The following ARL15 variants were observed in gnomAD, a reference collection of about 807,000 sequenced individuals.
ARL15 encodes ARF like GTPase 15, also known as ADP-ribosylation factor-like protein 15.
In ARL15, 19 loss-of-function variants were observed where a neutral mutation model predicts 25.2. The observed-to-expected ratio is 0.75, with a 90% CI of 0.53 to 1.10. ARL15 has a LOEUF of 1.10. Ranked by LOEUF, ARL15 falls within the 50% of genes least tolerant of loss-of-function variation. The pLI is 0.00. For missense variants in ARL15, 220 were observed against 246.0 expected (o/e 0.89, Z 0.71); for synonymous variants, 94 against 86.8 (o/e 1.08, Z -0.46).
At chr5:53,964,812 T>G (rs1033108684) in intron 4 of ARL15, among the ~76,000 whole-genome samples, 2 of 152,236 alleles carry the variant, frequency 1.3e-5, no homozygotes, top group Non-Finnish European at 2.9e-5. Context: ...ATTCCAGAGC[T>G]AACACTCTAG....
At chr5:53,982,211 T>C (rs933718019) in intron 4 of ARL15, among the ~76,000 whole-genome samples, 10 of 151,578 alleles carry the variant, frequency 6.6e-5, no homozygotes, top group African/African-American at 2.4e-4. Context: ...CTTTAAGTTC[T>C]GGGATACATA....
intron 1 of ARL15, among the ~76,000 whole-genome samples, chr5:54,260,857 C>A (rs142712413): frequency 6.6e-6 from 1 of 152,122 alleles, no homozygotes; most frequent in South Asian, 2.1e-4. Context: ...TTCCTATACT[C>A]GATCATTAAT....
intron 4 of ARL15, among the ~76,000 whole-genome samples, chr5:53,913,038 G>A (rs542596247): frequency 2.0e-5 from 3 of 152,318 alleles, no homozygotes; most frequent in Admixed American, 6.5e-5. Context: ...GCTGGCTCAC[G>A]CCTGTAATCC....
chr5:53,959,288 G>A (rs1279438956), intron 4 of ARL15, among the ~76,000 whole-genome samples: 1 of 152,302 alleles, frequency 6.6e-6, no homozygotes, highest in East Asian at 1.9e-4. Flanking sequence ...AAGATGCACT[G>A]TTAAGCCAAA....
chr5:54,235,988 A>G (rs1201787324), intron 1 of ARL15, among the ~76,000 whole-genome samples: 6 of 152,234 alleles, frequency 3.9e-5, no homozygotes, highest in African/African-American at 1.4e-4. Flanking sequence ...TAGGACATTA[A>G]AAGGTTTGAG....
intron 4 of ARL15, among the ~76,000 whole-genome samples, chr5:53,890,105 G>T (rs576123455): frequency 6.6e-6 from 1 of 152,218 alleles, no homozygotes; most frequent in African/African-American, 2.4e-5. Context: ...GAGCTGCTGG[G>T]CCTGGCCTAG....
intron 1 of ARL15, among the ~76,000 whole-genome samples, chr5:54,308,442 A>G (rs750747783): frequency 1.1e-4 from 17 of 152,362 alleles, no homozygotes; most frequent in Non-Finnish European, 1.5e-4. Context: ...TATGGCAAGT[A>G]AAGCTTTTTA....
chr5:53,951,383 C>T (rs998430086), intron 4 of ARL15: 1 of 402,052 alleles, frequency 2.5e-6, no homozygotes, highest in South Asian at 1.9e-5. Context: ...ATACAAAAAT[C>T]ATATACTTTG....
At chr5:54,059,623 G>T (rs1348170384) in intron 4 of ARL15, among the ~76,000 whole-genome samples, 1 of 152,144 alleles carries the variant, frequency 6.6e-6, no homozygotes, top group East Asian at 1.9e-4. Context: ...AGTTTCAATG[G>T]TTACCTCTAC....
At chr5:54,088,949 T>C (rs912432813) in intron 4 of ARL15, among the ~76,000 whole-genome samples, 1 of 152,150 alleles carries the variant, frequency 6.6e-6, no homozygotes. Context: ...CTAAAGGTGG[T>C]TTTGTCAGAC....
chr5:54,193,231 A>G (rs752298288), intron 1 of ARL15, among the ~76,000 whole-genome samples: 4 of 152,202 alleles, frequency 2.6e-5, no homozygotes, highest in African/African-American at 4.8e-5. Flanking sequence ...AAATTGCAGC[A>G]TCATCCAATC....
At chr5:54,255,772 A>G (rs1757348000) in intron 1 of ARL15, among the ~76,000 whole-genome samples, 1 of 152,214 alleles carries the variant, frequency 6.6e-6, no homozygotes. Flanking sequence ...TCAAACGCTC[A>G]AAACTACACA....
chr5:54,303,673 A>G (rs1280472039), intron 1 of ARL15, among the ~76,000 whole-genome samples: 5 of 145,070 alleles, frequency 3.4e-5, no homozygotes, highest in Admixed American at 6.9e-5. Flanking sequence ...AAAAAAAAAG[A>G]AGAAGAAGAG....
chr5:54,265,454 G>A (rs1290106414), intron 1 of ARL15, among the ~76,000 whole-genome samples: 1 of 152,154 alleles, frequency 6.6e-6, no homozygotes, highest in South Asian at 2.1e-4. Context: ...TAAGAGCATG[G>A]TACACTTGCA....
chr5:53,907,489 T>TATATTTTTG (rs1554025337), intron 4 of ARL15, among the ~76,000 whole-genome samples: 3 of 16,976 alleles, frequency 1.8e-4, no homozygotes, highest in African/African-American at 8.3e-4. Context: ...TATATATATA[T>TATATTTTTG]TTTTTTTTTT....
At chr5:53,972,372 A>G (rs950072078) in intron 4 of ARL15, among the ~76,000 whole-genome samples, 9 of 152,176 alleles carry the variant, frequency 5.9e-5, no homozygotes, top group African/African-American at 2.2e-4. Context: ...TTTGTTCCCC[A>G]GTAGCACAGT....
intron 1 of ARL15, among the ~76,000 whole-genome samples, chr5:54,200,213 G>C (rs1755676969): frequency 1.3e-5 from 2 of 151,480 alleles, no homozygotes; most frequent in Non-Finnish European, 2.9e-5. Flanking sequence ...GTTAGTGGGT[G>C]CAGCGCACCA....
At chr5:54,083,213 C>T (rs1751860395) in intron 4 of ARL15, among the ~76,000 whole-genome samples, 1 of 151,990 alleles carries the variant, frequency 6.6e-6, no homozygotes, top group Non-Finnish European at 1.5e-5. Context: ...GCAGTGCCTT[C>T]CAATTAAAAA....
intron 3 of ARL15, among the ~76,000 whole-genome samples, chr5:54,117,446 T>C (rs200827985): frequency 1.1e-5 from 1 of 87,254 alleles, no homozygotes; most frequent in Non-Finnish European, 3.1e-5. Flanking sequence ...AAAATGTCCC[T>C]TATATGACAT....
Sources: allele counts gnomAD v4.1 joint callset (sites outside exome capture counted in the v4.1 genomes callset), GRCh38; gene constraint gnomAD v4.1.1; transcripts MANE v1.5; gene names NCBI Gene and HGNC (gene_info 2026-07-23, HGNC 2026-07-21).